The following ADGRV1 variants were observed in gnomAD, a reference collection of about 807,000 sequenced individuals.
The protein encoded by ADGRV1 is G-protein coupled receptor 98.
ADGRV1 carries 359 observed loss-of-function variants against 596.2 expected under a neutral mutation model. That is an observed-to-expected ratio of 0.60 (90% CI 0.55 to 0.66). The LOEUF (loss-of-function observed/expected upper bound fraction) is 0.66, where lower values mean the gene tolerates loss of function less well. Among genes scored for constraint, ADGRV1 ranks in the 30% least tolerant of loss-of-function variants. The pLI is 0.00. For missense variants in ADGRV1, 7,274 were observed against 7,575.6 expected, an observed-to-expected ratio of 0.96 and a Z score of 1.48; for synonymous variants, 2,681 against 2,679.2, an observed-to-expected ratio of 1.00 and a Z score of -0.02.
intron 85 of ADGRV1, among the ~76,000 whole-genome samples, chr5:91,028,600 A>G (rs1404525935): frequency 6.6e-6 from 1 of 152,034 alleles, no homozygotes; most frequent in Admixed American, 6.6e-5. Flanking sequence ...ATGCTGCACT[A>G]TCTTGCCCTC....
At chr5:91,078,233 A>G (rs1789025547) in intron 86 of ADGRV1, among the ~76,000 whole-genome samples, 1 of 152,100 alleles carries the variant, frequency 6.6e-6, no homozygotes, top group South Asian at 2.1e-4. Flanking sequence ...AAAACTTTTT[A>G]TAGTGAATAT....
At position 90,961,385 on chromosome 5, in the gene ADGRV1, G is replaced by A. The variant is rs191964843; in HGVS notation, c.17857-4030G>A. The stretch of plus-strand genomic sequence containing the variant: ...GCCCTGTAGTTCCAGCTACTCCGGA[G>A]GCTGAGGCAGGAGATTCGCTTGAAC... On this transcript the variant is annotated intron_variant, in intron 83 of 89. Transcript: ENST00000405460. Among the ~76,000 whole-genome samples the A allele has an allele frequency of 2.6e-3, 392 of 151,848 alleles. 2 individuals carry two copies. Among genetic ancestry groups the A allele is most frequent in the African/African-American group, 8.9e-3 (368 of 41,384 alleles).
intron 87 of ADGRV1, among the ~76,000 whole-genome samples, chr5:91,117,680 C>G (rs138446584): frequency 6.9e-4 from 105 of 152,258 alleles, no homozygotes; most frequent in African/African-American, 2.3e-3. Flanking sequence ...TACTCAAATA[C>G]TACACTGAAA....
rs377403709 is a variant in ADGRV1 at position 90,691,020 on chromosome 5, C to T, written c.6930C>T (p.Asp2310=). ...CCTTGTTGTTAGAGGTCCTGGCTGA[C>T]GACGTTCCGGAGATTGAAGAGGTGA... ...IQTLLLEVLA[D]DVPEIEEVIQ... Residue 2310 remains aspartate (D), a synonymous_variant, in exon 31 of 90, where the codon GAC becomes GAT. Coordinates refer to ENST00000405460, the MANE Select transcript of ADGRV1 (RefSeq NM_032119.4). 1.9e-5 allele frequency: 30 copies of T among 1,613,374 alleles called. No individual in the cohort carries two copies. The highest frequency in any genetic ancestry group is 3.3e-5 in the Admixed American group (2 of 59,960).
chr5:90,787,590 CTT>C (rs35504697), intron 67 of ADGRV1, among the ~76,000 whole-genome samples: 154 of 118,882 alleles, frequency 1.3e-3, no homozygotes, highest in Middle Eastern at 4.7e-3. Flanking sequence ...TTCTTTCTTT[CTT>C]TTTTTTTTTT....
At chr5:90,824,789 A>G (rs753164641) in intron 76 of ADGRV1, among the ~76,000 whole-genome samples, 2 of 152,226 alleles carry the variant, frequency 1.3e-5, no homozygotes, top group Non-Finnish European at 2.9e-5. Context: ...TACTGCACAC[A>G]GTATGTCCTT....
At chr5:90,880,472 T>A (rs1409296971) in intron 83 of ADGRV1, among the ~76,000 whole-genome samples, 1 of 152,196 alleles carries the variant, frequency 6.6e-6, no homozygotes, top group Non-Finnish European at 1.5e-5. Context: ...CACATTGGGT[T>A]TAAGAAAGTA....
In ADGRV1 at chr5:90,724,944, A is replaced by G. The variant is rs771622402; in HGVS notation, c.9861A>G (p.Ser3287=). The G allele has an allele frequency of 6.2e-7, 1 of 1,609,830 alleles. No individual in the cohort carries two copies. The highest frequency in any genetic ancestry group is 1.1e-5 in the South Asian group (1 of 89,958). The change falls in exon 46 of 90, where the codon TCA becomes TCG. Residue 3287 remains serine, a synonymous_variant. Coordinates refer to ENST00000405460, the MANE Select transcript of ADGRV1 (RefSeq NM_032119.4). ...NLIYGIMLRK[S]SVTVYRWQGI... The stretch of plus-strand genomic sequence containing the variant: ...TATATGGTATAATGTTAAGAAAATC[A>G]TCTGTTACTGTTTACCGATGGCAGG...
At chr5:90,885,048 C>T (rs1770146622) in intron 83 of ADGRV1, among the ~76,000 whole-genome samples, 1 of 151,984 alleles carries the variant, frequency 6.6e-6, no homozygotes, top group Admixed American at 6.6e-5. Context: ...ACCATGCAGC[C>T]CCACATTGTT....
intron 62 of ADGRV1, among the ~76,000 whole-genome samples, 173 bp from the exon 63 acceptor site, chr5:90,778,254 G>A (rs1370569181): frequency 6.6e-6 from 1 of 151,674 alleles, no homozygotes; most frequent in Admixed American, 6.6e-5. Context: ...TGGAGATTGG[G>A]GAGAAGGTTA....
In ADGRV1 at chr5:90,804,578, A is replaced by C. The variant is rs114409667; in HGVS notation, c.14662-706A>C. ...TTTAAGAAGGGGAGAATGAGTTTTA[A>C]TATATAACTCTTGATTAAATGGTAT... is the stretch of plus-strand genomic sequence containing the variant. On this transcript the variant is annotated intron_variant, in intron 71 of 89. Coordinates refer to ENST00000405460, the MANE Select transcript of ADGRV1 (RefSeq NM_032119.4). Among the ~76,000 whole-genome samples the C allele has an allele frequency of 2.3e-3, 354 of 152,312 alleles. 2 individuals are homozygous for C. The highest frequency in any genetic ancestry group is 8.2e-3 in the African/African-American group (341 of 41,564).
rs1260799009 is a variant in ADGRV1 at position 91,087,333 on chromosome 5, C to A, written c.18310+14729C>A. Among the ~76,000 whole-genome samples the A allele has an allele frequency of 3.3e-5, 5 of 152,174 alleles. No homozygotes were observed. The South Asian group carries it at 8.3e-4, about 25-fold the overall frequency. On this transcript the variant is annotated intron_variant, in intron 86 of 89. Coordinates refer to ENST00000405460, the MANE Select transcript of ADGRV1 (RefSeq NM_032119.4). ...TGAGACGGAGTCTCACTCTGTCGCC[C>A]AGGCTGGAGTACAGTGCACTCGACT...
rs923136617 is a variant in ADGRV1, at chr5:91,127,514, G to A, written c.18433-22516G>A. 2.0e-4 allele frequency among the ~76,000 whole-genome samples: 29 copies of A among 144,276 alleles called. No individual in the cohort carries two copies. The Admixed American group carries it at 2.1e-3, about 10-fold the overall frequency. The allele number at this position is 144,276 out of a possible 152,430, so 94.7% of individuals were successfully genotyped here. A position where few individuals can be genotyped will look rare whatever the true frequency, so the allele number is the denominator to read the frequency against. On this transcript the variant is annotated intron_variant, in intron 87 of 89. Coordinates refer to ENST00000405460, the MANE Select transcript of ADGRV1 (RefSeq NM_032119.4). ...GATCCTGCCACTGCACTCCTGTCTT[G>A]GTAAAGGAGCTAAACCCAGTCTCAC...
intron 83 of ADGRV1, among the ~76,000 whole-genome samples, chr5:90,930,988 G>A (rs972825953): frequency 3.3e-5 from 5 of 152,266 alleles, no homozygotes; most frequent in Admixed American, 1.3e-4. Context: ...TGTGCCATGA[G>A]ACCTCAGAGA....
intron 85 of ADGRV1, among the ~76,000 whole-genome samples, chr5:91,022,314 T>C (rs1356398497): frequency 6.6e-6 from 1 of 152,052 alleles, no homozygotes; most frequent in Non-Finnish European, 1.5e-5. Flanking sequence ...GTATTTGTGC[T>C]AAATCCGGAC....
intron 29 of ADGRV1, among the ~76,000 whole-genome samples, chr5:90,688,799 C>G (rs907500584): frequency 6.6e-6 from 1 of 152,204 alleles, no homozygotes; most frequent in Non-Finnish European, 1.5e-5. Flanking sequence ...AAGGGATTCA[C>G]TTGTAAATGA....
At chr5:90,640,459 T>C (rs1354268942) in intron 11 of ADGRV1, among the ~76,000 whole-genome samples, 4 of 152,104 alleles carry the variant, frequency 2.6e-5, no homozygotes. Context: ...AGCTACTAAG[T>C]AATTATAAGC....
chr5:90,661,986 T>A (rs1770374795), intron 21 of ADGRV1, among the ~76,000 whole-genome samples: 1 of 152,108 alleles, frequency 6.6e-6, no homozygotes, highest in Non-Finnish European at 1.5e-5. Context: ...TATTCCTGAC[T>A]CAGGACCCCA....
intron 75 of ADGRV1, chr5:90,822,214 A>T (rs936325924): frequency 2.6e-5 from 4 of 153,552 alleles, no homozygotes; most frequent in African/African-American, 9.6e-5. Context: ...TTGACTCGGA[A>T]AGGAAACTCC....
Sources: gnomAD v4.1 joint callset for allele counts (sites outside exome capture counted in the v4.1 genomes callset) on GRCh38, gnomAD v4.1.1 for gene constraint, MANE v1.5 for transcripts, NCBI Gene and HGNC (gene_info 2026-07-23, HGNC 2026-07-21) for gene names.